The following AP5Z1 variants were observed in gnomAD, a reference collection of about 807,000 sequenced individuals.
The protein encoded by AP5Z1 is AP-5 complex subunit zeta-1.
Under a neutral mutation model 83.0 loss-of-function variants are expected in AP5Z1, and 106 were observed. The ratio of observed to expected loss-of-function variants is 1.28; its 90% CI spans 1.09 to 1.50. AP5Z1 has a LOEUF of 1.50. Among genes scored for constraint, AP5Z1 ranks in the 40% most tolerant of loss-of-function variants. The probability of loss-of-function intolerance (pLI) is 0.00; values close to 1 mark genes in which losing one functional copy is unlikely to be tolerated. For missense variants in AP5Z1, 1,565 were observed against 1,094.2 expected (o/e 1.43, Z -6.07); for synonymous variants, 751 against 514.1 (o/e 1.46, Z -6.23).
intron 7 of AP5Z1, 25 bp downstream of exon 7, chr7:4,785,073 G>A: frequency 6.3e-7 from 1 of 1,575,640 alleles, no homozygotes; most frequent in Non-Finnish European, 8.6e-7. Flanking sequence ...CAGGGCACTG[G>A]CCTCCCCAGG....
At chr7:4,779,439 A>G (rs1047442072) in intron 1 of AP5Z1, among the ~76,000 whole-genome samples, 117 of 126,960 alleles carry the variant, frequency 9.2e-4, no homozygotes, top group African/African-American at 3.9e-3. Context: ...TATATAACAT[A>G]TATAACATTA....
intron 13 of AP5Z1, among the ~76,000 whole-genome samples, chr7:4,789,502 G>C (rs1781675013): frequency 1.3e-5 from 2 of 152,258 alleles, no homozygotes; most frequent in African/African-American, 4.8e-5. Flanking sequence ...GAGCCTGGGA[G>C]GTGGGGAGGC....
intron 14 of AP5Z1, chr7:4,790,200 C>T: frequency 1.3e-6 from 2 of 1,547,414 alleles, no homozygotes; most frequent in East Asian, 2.4e-5. Context: ...CCCCTGGGGT[C>T]CTTCTCTCCA....
chr7:4,790,389 G>T, intron 14 of AP5Z1, 70 bp from the exon 15 acceptor site: 1 of 1,608,296 alleles, frequency 6.2e-7, no homozygotes, highest in Non-Finnish European at 8.5e-7. Context: ...GTTTCTCCAG[G>T]CCCTTGGCCT....
Position 4,785,627 on chromosome 7 carries a change from G to T in AP5Z1, c.1075G>T (p.Gly359Trp). Residue 359 changes from glycine (G) to tryptophan (W), a missense_variant, in exon 9 of 17, where the codon GGG becomes TGG. By Grantham distance (184) the Gly-to-Trp change is radical. Transcript: ENST00000649063. ...CLKALHGRVR[G>W]DPASVRVLLP... ...GAAGGCCCTGCACGGGCGGGTGCGCGGGGACCCGGCCTCTGTGCGGGTGCT... is the reference window on the plus strand; with the variant it reads ...GAAGGCCCTGCACGGGCGGGTGCGCTGGGACCCGGCCTCTGTGCGGGTGCT... 2 of 1,573,976 alleles carry T rather than the reference G, an allele frequency of 1.3e-6. No individual in the cohort carries two copies.
Position 4,791,359 on chromosome 7 carries a change from A to C in AP5Z1, c.2398A>C (p.Arg800=). The C allele has an allele frequency of 6.2e-7, 1 of 1,607,952 alleles. No individual in the cohort carries two copies. ...ALRTVSRLVE[R]EAGLMPG is the part of the protein sequence containing the mutation. ...GCGCACGGTCAGCCGGCTGGTGGAG[A>C]GGGAGGCCGGCCTCATGCCAGGGTG... The change falls in exon 17 of 17, where the codon AGG becomes CGG. Residue 800 remains arginine, a synonymous_variant. Transcript: ENST00000649063.
chr7:4,786,529 T>C lies in AP5Z1; in HGVS notation c.1311+101T>C, dbSNP rs1375552432. 2.2e-6 allele frequency: 3 copies of C among 1,375,228 alleles called. No individual in the cohort carries two copies. In the African/African-American group the frequency reaches 4.3e-5, roughly 20 times the overall value. The allele number at this position is 1,375,228 out of a possible 1,614,324, so 85.2% of individuals were successfully genotyped here. A position where few individuals can be genotyped will look rare whatever the true frequency, so the allele number is the denominator to read the frequency against. Reference sequence around the variant, plus strand: ...GTTCAGGGCGAGTCCTGGCTGAGCATAGAGCCCTGTGAGTCCCGGGCCTGG... The same window carrying C: ...GTTCAGGGCGAGTCCTGGCTGAGCACAGAGCCCTGTGAGTCCCGGGCCTGG... On this transcript the variant is annotated intron_variant, in intron 10 of 16. Coordinates refer to ENST00000649063, the MANE Select transcript of AP5Z1 (RefSeq NM_014855.3).
At position 4,787,770 on chromosome 7, in the gene AP5Z1, A is replaced by C. The variant is rs1379575517; in HGVS notation, c.1448A>C (p.Gln483Pro). 6 of 1,535,038 alleles carry C rather than the reference A, an allele frequency of 3.9e-6. No individual in the cohort carries two copies. The highest frequency in any genetic ancestry group is 5.2e-6 in the Non-Finnish European group (6 of 1,144,198). The change falls in exon 11 of 17, where the codon CAG (glutamine) becomes CCG (proline). Residue 483 changes from glutamine to proline, a missense_variant. Transcript: ENST00000649063. ...TGCTTGACGGCGGTGCTGGACCTGCAGCTCAGGTGGGCCCCTCACCCTCTG... is the reference window on the plus strand; with the variant it reads ...TGCTTGACGGCGGTGCTGGACCTGCCGCTCAGGTGGGCCCCTCACCCTCTG... ...LPCLTAVLDL[Q>P]LRSAPAASER...
intron 1 of AP5Z1, among the ~76,000 whole-genome samples, chr7:4,777,534 CCCG>C (rs1174138084): frequency 6.6e-6 from 1 of 152,044 alleles, no homozygotes; most frequent in Non-Finnish European, 1.5e-5. Flanking sequence ...ATTACAGGCG[CCCG>C]CCACCACACC....
chr7:4,783,315 G>A lies in AP5Z1; in HGVS notation c.367-1G>A, dbSNP rs1249909396. 1 of 1,604,758 alleles carries A rather than the reference G, an allele frequency of 6.2e-7. No individual in the cohort carries two copies. ...CAGCGTTTGCCCTGTTTGATTTGAA[G>A]GGTGACAGAAACGAGGAGGTCAGAG... On this transcript the variant is annotated splice_acceptor_variant, in intron 3 of 16. Coordinates refer to ENST00000649063, the MANE Select transcript of AP5Z1 (RefSeq NM_014855.3). LOFTEE classifies it high-confidence loss of function.
intron 10 of AP5Z1, among the ~76,000 whole-genome samples, chr7:4,786,786 T>C (rs766631598): frequency 1.3e-4 from 20 of 152,030 alleles, no homozygotes; most frequent in Non-Finnish European, 2.8e-4. Flanking sequence ...TTTTTTTCTT[T>C]TGAGATGGAG....
intron 14 of AP5Z1, 94 bp from the exon 15 acceptor site, chr7:4,790,365 C>CA (rs1340685511): frequency 1.9e-6 from 3 of 1,585,274 alleles, no homozygotes; most frequent in Non-Finnish European, 2.6e-6. Context: ...ACCTACCACT[C>CA]AGACGCTTCC....
chr7:4,788,342 G>A lies in AP5Z1; in HGVS notation c.1595+48G>A, dbSNP rs780896585. 18 of 1,517,992 alleles carry A rather than the reference G, an allele frequency of 1.2e-5. No homozygotes were observed. In the African/African-American group the frequency reaches 1.7e-4, roughly 14 times the overall value. 94.0% of individuals were successfully genotyped at this position (1,517,992 alleles called of 1,614,324 possible). On this transcript the variant is annotated intron_variant, in intron 12 of 16. Transcript: ENST00000649063. Reference sequence around the variant, plus strand: ...GGCCACCAGTGGCTCAGAGAGCCCGGCCACAGCCACTGGGGTGGGGCTCAC... The same window carrying A: ...GGCCACCAGTGGCTCAGAGAGCCCGACCACAGCCACTGGGGTGGGGCTCAC...
rs1583235043 is a variant in AP5Z1 at position 4,786,813 on chromosome 7, T to C, written c.1311+385T>C. 2.0e-5 allele frequency among the ~76,000 whole-genome samples: 3 copies of C among 152,092 alleles called. No homozygotes were observed. In the East Asian group the frequency reaches 5.8e-4, roughly 29 times the overall value. On this transcript the variant is annotated intron_variant, in intron 10 of 16. Transcript: ENST00000649063. Reference sequence around the variant, plus strand: ...GAGATGGAGTCTCATTCCTGTCACCTAGGCTGGAGTGCAGTGGCGCAATCT... The same window carrying C: ...GAGATGGAGTCTCATTCCTGTCACCCAGGCTGGAGTGCAGTGGCGCAATCT...
Position 4,791,447 on chromosome 7 carries a change from G to A in AP5Z1, c.*62G>A, listed in dbSNP as rs1781770109. On this transcript the variant is annotated 3_prime_UTR_variant, in exon 17 of 17. Coordinates refer to ENST00000649063, the MANE Select transcript of AP5Z1 (RefSeq NM_014855.3). ...GCCTGGGCAGCCAGCTTGCTACTGAGGCCAGGCTGATAGGAGCTCAGGAGG... is the reference window on the plus strand; with the variant it reads ...GCCTGGGCAGCCAGCTTGCTACTGAAGCCAGGCTGATAGGAGCTCAGGAGG... 2.6e-6 allele frequency: 4 copies of A among 1,520,986 alleles called. No individual in the cohort carries two copies. Among genetic ancestry groups the A allele is most frequent in the Non-Finnish European group, 1.8e-6 (2 of 1,129,936 alleles). The allele number at this position is 1,520,986 out of a possible 1,614,324, so 94.2% of individuals were successfully genotyped here. A position where few individuals can be genotyped will look rare whatever the true frequency, so the allele number is the denominator to read the frequency against.
At chr7:4,784,880 G>A in intron 6 of AP5Z1, 28 bp from the exon 7 acceptor site, 1 of 1,599,770 alleles carries the variant, frequency 6.3e-7, no homozygotes, top group Non-Finnish European at 8.5e-7. Flanking sequence ...CCACACGTCA[G>A]CCTGCTGAGA....
chr7:4,781,796 C>T, intron 3 of AP5Z1, 42 bp downstream of exon 3: 1 of 1,500,462 alleles, frequency 6.7e-7, no homozygotes, highest in South Asian at 1.4e-5. Flanking sequence ...CGGATGGCTG[C>T]TTCCCAAGGA....
At position 4,791,230 on chromosome 7, in the gene AP5Z1, C is replaced by A. The variant is rs201649046; in HGVS notation, c.2269C>A (p.Leu757Met). 4.3e-6 allele frequency: 7 copies of A among 1,612,706 alleles called. No individual in the cohort carries two copies. In the South Asian group the frequency reaches 7.7e-5, roughly 18 times the overall value. The change falls in exon 17 of 17, where the codon CTG becomes ATG. Residue 757 changes from leucine to methionine, a missense_variant. Transcript: ENST00000649063. ...IRTRATELLT[L>M]LKMPSVAQFV... Reference sequence around the variant, plus strand: ...TACCCGGGCCACAGAGCTGCTGACCCTGCTGAAGATGCCTAGCGTGGCCCA... The same window carrying A: ...TACCCGGGCCACAGAGCTGCTGACCATGCTGAAGATGCCTAGCGTGGCCCA...
rs1221587515 is a variant in AP5Z1 at position 4,781,617 on chromosome 7, G to C, written c.229G>C (p.Ala77Pro). The stretch of plus-strand genomic sequence containing the variant: ...GCTGCAGGCCACCCTCGGCCTGCCT[G>C]CATGCCCCGAGCAGCTCCAGGTGCT... Reference protein sequence around the residue: ...DLLQATLGLPACPEQLQVLCA... With the variant: ...DLLQATLGLPPCPEQLQVLCA... Residue 77 changes from alanine to proline, a missense_variant, in exon 3 of 17, where the codon GCA becomes CCA. Transcript: ENST00000649063. 6.2e-7 allele frequency: 1 copy of C among 1,610,072 alleles called. No individual in the cohort carries two copies.
Sources: allele counts gnomAD v4.1 joint callset (sites outside exome capture counted in the v4.1 genomes callset), GRCh38; gene constraint gnomAD v4.1.1; transcripts MANE v1.5; gene names NCBI Gene and HGNC (gene_info 2026-07-23, HGNC 2026-07-21).